Variants in FREM3 observed in about 807,000 individuals in gnomAD.
The protein encoded by FREM3 is FRAS1-related extracellular matrix protein 3.
In FREM3, 105 loss-of-function variants were observed where a neutral mutation model predicts 129.1. The observed-to-expected ratio is 0.81, with a 90% confidence interval of 0.69 to 0.96. The LOEUF is 0.96. FREM3 is among the 40% of genes least tolerant of loss of function. The pLI, the probability that FREM3 is intolerant of heterozygous loss-of-function variation, is 0.00. For synonymous variants in FREM3, 1,014 were observed against 1,044.9 expected (o/e 0.97, Z 0.57); for missense variants, 2,593 against 2,666.3 (o/e 0.97, Z 0.61).
intron 5 of FREM3, among the ~76,000 whole-genome samples, chr4:143,616,138 A>C (rs1254399050): frequency 1.3e-5 from 2 of 152,250 alleles, no homozygotes; most frequent in African/African-American, 4.8e-5. Flanking sequence ...ATGAAAAACA[A>C]AGTGCTTAAC....
intron 6 of FREM3, among the ~76,000 whole-genome samples, chr4:143,594,180 T>G (rs1013929491): frequency 9.9e-5 from 15 of 152,196 alleles, no homozygotes; most frequent in African/African-American, 3.6e-4. Context: ...GCTTCCCGGG[T>G]GAGGCGATGC....
At chr4:143,596,263 G>T (rs1738482872) in intron 6 of FREM3, among the ~76,000 whole-genome samples, 1 of 152,232 alleles carries the variant, frequency 6.6e-6, no homozygotes, top group East Asian at 1.9e-4. Context: ...TCCAGTGTCA[G>T]TGTGGGCCAT....
At chr4:143,632,475 A>G (rs1000451818) in intron 2 of FREM3, among the ~76,000 whole-genome samples, 2 of 152,114 alleles carry the variant, frequency 1.3e-5, no homozygotes, top group African/African-American at 2.4e-5. Context: ...AAAGTAATCA[A>G]TATTCTGTCA....
chr4:143,700,067 C>G lies in FREM3; in HGVS notation c.609G>C (p.Thr203=). The G allele has an allele frequency of 6.6e-7, 1 of 1,524,028 alleles. No homozygotes were observed. The highest frequency in any genetic ancestry group is 8.8e-7 in the Non-Finnish European group (1 of 1,137,372). The allele number at this position is 1,524,028 out of a possible 1,614,324, so 94.4% of individuals were successfully genotyped here. ...GGGTAAGCCGGCACCTGCGGGTGGC[C>G]GTGGCTCCAGACTTCAGGGAGGCGA... The part of the protein sequence containing the change: ...LDFASLKSGA[T]ATRRCRLTPL... Residue 203 remains threonine (T), a synonymous_variant, in exon 1 of 8, where the codon ACG becomes ACC. Coordinates refer to ENST00000329798, the MANE Select transcript of FREM3 (RefSeq NM_001168235.2).
Position 143,696,829 on chromosome 4 carries a change from A to G in FREM3, c.3847T>C (p.Trp1283Arg), listed in dbSNP as rs1212998149. The G allele has an allele frequency of 2.7e-5, 42 of 1,537,668 alleles. 1 individual carries two copies. In the Admixed American group the frequency reaches 7.6e-4, roughly 28 times the overall value. The change falls in exon 1 of 8, where the codon TGG (tryptophan) becomes CGG (arginine). Residue 1283 changes from tryptophan (W) to arginine (R), a missense_variant. Trp to Arg is a moderately radical substitution (Grantham distance 101). Coordinates refer to ENST00000329798, the MANE Select transcript of FREM3 (RefSeq NM_001168235.2). ...GTTGTGTGCTTGCCGTCACTCAGCC[A>G]GACCTCAAAACTGTCCTCTTTTGTC... Reference protein sequence around the residue: ...SETKEDSFEVWLSDGKHTTHR... With the variant: ...SETKEDSFEVRLSDGKHTTHR...
At chr4:143,592,264 T>G (rs1055501738) in intron 6 of FREM3, among the ~76,000 whole-genome samples, 4 of 152,212 alleles carry the variant, frequency 2.6e-5, no homozygotes, top group African/African-American at 7.2e-5. Context: ...TTGTTATGTG[T>G]GAATTTGATC....
chr4:143,621,683 T>C (rs1287243487), intron 4 of FREM3, among the ~76,000 whole-genome samples: 2 of 152,214 alleles, frequency 1.3e-5, no homozygotes, highest in Admixed American at 6.5e-5. Context: ...TTAAAGATCA[T>C]ATTGCTGCTG....
chr4:143,621,323 G>A (rs1237728177), intron 4 of FREM3, among the ~76,000 whole-genome samples, 161 bp from the exon 5 acceptor site: 1 of 152,170 alleles, frequency 6.6e-6, no homozygotes, highest in Non-Finnish European at 1.5e-5. Flanking sequence ...TTATTATTGA[G>A]TGGAGCTGGA....
At chr4:143,671,973 A>G (rs1448584970) in intron 2 of FREM3, among the ~76,000 whole-genome samples, 1 of 152,196 alleles carries the variant, frequency 6.6e-6, no homozygotes, top group East Asian at 1.9e-4. Context: ...AATATTTTAT[A>G]AAATGCTGAG....
chr4:143,659,476 T>G (rs1393814978), intron 2 of FREM3, among the ~76,000 whole-genome samples: 1 of 152,234 alleles, frequency 6.6e-6, no homozygotes, highest in East Asian at 1.9e-4. Context: ...TAATCCAGTC[T>G]GTCATTGTTG....
chr4:143,627,100 G>A (rs1739051943), intron 3 of FREM3, among the ~76,000 whole-genome samples: 1 of 152,060 alleles, frequency 6.6e-6, no homozygotes, highest in African/African-American at 2.4e-5. Flanking sequence ...ACATATTTCT[G>A]TACTAGGTCC....
At position 143,625,578 on chromosome 4, in the gene FREM3, C is replaced by T. The variant is rs551721870; in HGVS notation, c.5423-1240G>A. 3.9e-5 allele frequency among the ~76,000 whole-genome samples: 6 copies of T among 152,288 alleles called. No homozygotes were observed. The South Asian group carries it at 6.2e-4, about 16-fold the overall frequency. On this transcript the variant is annotated intron_variant, in intron 3 of 7. Coordinates refer to ENST00000329798, the MANE Select transcript of FREM3 (RefSeq NM_001168235.2). ...ATTTAGGAAGAGCCTCCTTTGGCCACATGTTGGAAGTGGGGAACATAAAAA... is the reference window on the plus strand; with the variant it reads ...ATTTAGGAAGAGCCTCCTTTGGCCATATGTTGGAAGTGGGGAACATAAAAA...
At chr4:143,605,360 CTCCT>C (rs113013163) in intron 6 of FREM3, among the ~76,000 whole-genome samples, 4,094 of 152,124 alleles carry the variant, frequency 0.027, 181 homozygotes, top group African/African-American at 0.093. Context: ...TTTTTACGTA[CTCCT>C]TCCTGTATAA....
At position 143,696,913 on chromosome 4, in the gene FREM3, A is replaced by G. The variant is rs1318353229; in HGVS notation, c.3763T>C (p.Phe1255Leu). 1 of 1,537,686 alleles carries G rather than the reference A, an allele frequency of 6.5e-7. No homozygotes were observed. The change falls in exon 1 of 8, where the codon TTC (phenylalanine) becomes CTC (leucine). Residue 1255 changes from phenylalanine (F) to leucine (L), a missense_variant. By Grantham distance (22) the Phe-to-Leu change is conservative. Coordinates refer to ENST00000329798, the MANE Select transcript of FREM3 (RefSeq NM_001168235.2). The part of the protein sequence containing the change: ...LATGSQPIHS[F>L]TLKEIQEAST... Reference sequence around the variant, plus strand: ...GCCTCCTGGATCTCCTTGAGGGTGAAGCTGTGGATGGGCTGGCTGCCTGTA... The same window carrying G: ...GCCTCCTGGATCTCCTTGAGGGTGAGGCTGTGGATGGGCTGGCTGCCTGTA...
At chr4:143,631,057 C>T (rs977260304) in intron 2 of FREM3, among the ~76,000 whole-genome samples, 1 of 152,104 alleles carries the variant, frequency 6.6e-6, no homozygotes, top group Non-Finnish European at 1.5e-5. Context: ...AGTATTTTCT[C>T]TTTCCCTTCT....
chr4:143,693,481 A>G (rs1388522534), intron 1 of FREM3, among the ~76,000 whole-genome samples: 1 of 152,200 alleles, frequency 6.6e-6, no homozygotes, highest in Admixed American at 6.5e-5. Context: ...AGAAAAAGGA[A>G]CACTATACAT....
In FREM3 at chr4:143,696,825, A is replaced by T; in HGVS notation, c.3851T>A (p.Leu1284Gln). 6.5e-7 allele frequency: 1 copy of T among 1,537,786 alleles called. No individual in the cohort carries two copies. The highest frequency in any genetic ancestry group is 2.0e-5 in the Admixed American group (1 of 51,008). Residue 1284 changes from leucine to glutamine, a missense_variant, in exon 1 of 8, where the codon CTG (leucine) becomes CAG (glutamine). Around this residue, in one of 2 missense-constraint regions of FREM3, gnomAD observed 2,276 missense variants for 2,267.2 expected, o/e 1.00. Coordinates refer to ENST00000329798, the MANE Select transcript of FREM3 (RefSeq NM_001168235.2). Reference protein sequence around the residue: ...ETKEDSFEVWLSDGKHTTHRK... With the variant: ...ETKEDSFEVWQSDGKHTTHRK... ...GTGGGTTGTGTGCTTGCCGTCACTC[A>T]GCCAGACCTCAAAACTGTCCTCTTT...
chr4:143,699,691 C>G lies in FREM3; in HGVS notation c.985G>C (p.Ala329Pro), dbSNP rs958819237. The G allele has an allele frequency of 2.6e-6, 4 of 1,523,474 alleles. No homozygotes were observed. The highest frequency in any genetic ancestry group is 2.0e-5 in the Admixed American group (1 of 50,106). 94.4% of individuals were successfully genotyped at this position (1,523,474 alleles called of 1,614,324 possible). The stretch of plus-strand genomic sequence containing the variant: ...GACTCGACGTCCTCCGCGGCCAGTG[C>G]GTCAGGCGTCAGGGCTGTCAGCACC... The part of the protein sequence containing the change: ...PLVLTALTPD[A>P]LAAEDVESDP... Residue 329 changes from alanine to proline, a missense_variant, in exon 1 of 8, where the codon GCA becomes CCA. Physicochemically the swap from Ala to Pro is conservative, Grantham distance 27. Transcript: ENST00000329798. This position sits in a 1 kb window ranked among gnomAD's most constrained non-coding sequence, Gnocchi z 4.2.
intron 2 of FREM3, among the ~76,000 whole-genome samples, chr4:143,637,712 C>A (rs1264603917): frequency 2.6e-5 from 4 of 152,008 alleles, no homozygotes; most frequent in African/African-American, 4.8e-5. Flanking sequence ...TACAAAATAA[C>A]CCATAGGTTT....
Sources: allele counts gnomAD v4.1 joint callset (sites outside exome capture counted in the v4.1 genomes callset), GRCh38; gene constraint gnomAD v4.1.1; regional missense constraint gnomAD v4.1.1; non-coding constraint Gnocchi (gnomAD v3.1); transcripts MANE v1.5; gene names NCBI Gene and HGNC (gene_info 2026-07-23, HGNC 2026-07-21).